The following DTNB variants were observed in gnomAD, a reference collection of about 807,000 sequenced individuals.
DTNB encodes dystrobrevin beta.
A neutral mutation model predicts 90.7 loss-of-function variants in DTNB; 63 were observed. That is an observed-to-expected ratio of 0.69 (90% CI 0.57 to 0.86). DTNB has a LOEUF of 0.86. Among genes scored for constraint, DTNB ranks in the 40% least tolerant of loss-of-function variants. The pLI, the probability that DTNB is intolerant of heterozygous loss-of-function variation, is 0.00. For synonymous variants in DTNB, 277 were observed against 286.7 expected (o/e 0.97, Z 0.34); for missense variants, 744 against 807.1 (o/e 0.92, Z 0.95).
chr2:25,469,832 T>A (rs770757585), intron 10 of DTNB, among the ~76,000 whole-genome samples: 1 of 152,102 alleles, frequency 6.6e-6, no homozygotes, highest in Non-Finnish European at 1.5e-5. Context: ...AGACAGTGCT[T>A]TGGAGAAATG....
chr2:25,454,135 G>A (rs2059664839), intron 11 of DTNB, among the ~76,000 whole-genome samples: 1 of 149,160 alleles, frequency 6.7e-6, no homozygotes, highest in Non-Finnish European at 1.5e-5. Context: ...GGACGACACA[G>A]TGAGACTCTG....
At chr2:25,434,058 G>T in intron 12 of DTNB, 63 bp from the exon 13 acceptor site, 1 of 1,438,422 alleles carries the variant, frequency 7.0e-7, no homozygotes. Context: ...CAGAGTTCTA[G>T]ATTGACTGAT....
At chr2:25,665,891 T>C (rs1461382948) in intron 1 of DTNB, among the ~76,000 whole-genome samples, 1 of 152,078 alleles carries the variant, frequency 6.6e-6, no homozygotes, top group Non-Finnish European at 1.5e-5. Flanking sequence ...GTAACTGCAC[T>C]CCACTACAAC....
At chr2:25,455,545 G>T in intron 10 of DTNB, 51 bp from the exon 11 acceptor site, 1 of 1,457,214 alleles carries the variant, frequency 6.9e-7, no homozygotes, top group South Asian at 1.2e-5. Flanking sequence ...CACATACAGA[G>T]GGAGAAATGA....
intron 10 of DTNB, among the ~76,000 whole-genome samples, chr2:25,472,671 G>A (rs1173081976): frequency 2.0e-5 from 3 of 152,094 alleles, no homozygotes; most frequent in Non-Finnish European, 4.4e-5. Flanking sequence ...ATCACCTGAG[G>A]TCAGGAGTTC....
intron 8 of DTNB, among the ~76,000 whole-genome samples, chr2:25,545,533 G>C (rs2082221087): frequency 6.6e-6 from 1 of 152,164 alleles, no homozygotes; most frequent in Non-Finnish European, 1.5e-5. Flanking sequence ...AGAACTTTAA[G>C]GGATGATGAA....
intron 4 of DTNB, among the ~76,000 whole-genome samples, chr2:25,617,435 G>A (rs1384993180): frequency 1.3e-5 from 2 of 152,078 alleles, no homozygotes; most frequent in Non-Finnish European, 2.9e-5. Flanking sequence ...GGCTCGAGGT[G>A]TTAATTATTA....
At chr2:25,383,337 T>C (rs1405929445) in intron 19 of DTNB, among the ~76,000 whole-genome samples, 1 of 151,204 alleles carries the variant, frequency 6.6e-6, no homozygotes, top group East Asian at 2.0e-4. Flanking sequence ...TGCCTCATTC[T>C]CCCCAAGTAG....
At chr2:25,518,485 CCT>C (rs1320115215) in intron 9 of DTNB, among the ~76,000 whole-genome samples, 1 of 151,998 alleles carries the variant, frequency 6.6e-6, no homozygotes, top group African/African-American at 2.4e-5. Flanking sequence ...CATAAGCATC[CCT>C]CTGTCTCTCA....
intron 9 of DTNB, among the ~76,000 whole-genome samples, chr2:25,530,126 C>T (rs534089904): frequency 2.0e-5 from 3 of 152,230 alleles, no homozygotes; most frequent in Admixed American, 6.5e-5. Context: ...CATTACACCA[C>T]AAAAGTAAGT....
rs116526165 is a variant in DTNB at position 25,512,786 on chromosome 2, G to A, written c.1001+18687C>T. 8.3e-3 allele frequency among the ~76,000 whole-genome samples: 1,265 copies of A among 152,304 alleles called. 14 individuals are homozygous for A. Among genetic ancestry groups the A allele is most frequent in the African/African-American group, 0.029 (1,206 of 41,552 alleles). On this transcript the variant is annotated intron_variant, in intron 9 of 20. Transcript: ENST00000406818. ...GCAGGTAGCCGGGCTGGGACATCAT[G>A]AGCTAGCTTGGTGGAAAGGGCAATA...
At chr2:25,554,490 G>C (rs979232229) in intron 8 of DTNB, among the ~76,000 whole-genome samples, 3 of 151,724 alleles carry the variant, frequency 2.0e-5, no homozygotes, top group African/African-American at 7.3e-5. Flanking sequence ...AAATAGTAAA[G>C]CCAGCTTGGA....
At chr2:25,547,568 C>T (rs1194001497) in intron 8 of DTNB, among the ~76,000 whole-genome samples, 1 of 152,138 alleles carries the variant, frequency 6.6e-6, no homozygotes, top group Non-Finnish European at 1.5e-5. Flanking sequence ...AGCTGATCCA[C>T]CCGCCTTGGC....
intron 11 of DTNB, among the ~76,000 whole-genome samples, chr2:25,454,018 T>C (rs1169045949): frequency 6.6e-6 from 1 of 152,000 alleles, no homozygotes; most frequent in Admixed American, 6.5e-5. Context: ...GGTGTGGTGA[T>C]GAGCGCCTGT....
At chr2:25,615,686 A>T (rs1042010138) in intron 4 of DTNB, among the ~76,000 whole-genome samples, 9 of 152,200 alleles carry the variant, frequency 5.9e-5, no homozygotes, top group Admixed American at 3.3e-4. Context: ...TCACTCAGGA[A>T]ATTACAAGGG....
intron 8 of DTNB, among the ~76,000 whole-genome samples, chr2:25,534,738 C>T (rs535378474): frequency 2.1e-4 from 28 of 135,698 alleles, no homozygotes; most frequent in Non-Finnish European, 3.1e-4. Context: ...ACATTCCAGA[C>T]GATGGGCGGC....
chr2:25,647,379 G>T (rs143272564), intron 2 of DTNB, among the ~76,000 whole-genome samples: 281 of 152,226 alleles, frequency 1.8e-3, no homozygotes, highest in African/African-American at 6.7e-3. Flanking sequence ...GGACAAAAAA[G>T]ATTTTAATGA....
intron 8 of DTNB, among the ~76,000 whole-genome samples, chr2:25,549,753 T>C (rs2083196378): frequency 6.6e-6 from 1 of 152,106 alleles, no homozygotes; most frequent in African/African-American, 2.4e-5. Flanking sequence ...CTTGACCTCC[T>C]GAGCTCAAGC....
chr2:25,577,000 G>C lies in DTNB; in HGVS notation c.714C>G (p.Phe238Leu). 1 of 1,605,136 alleles carries C rather than the reference G, an allele frequency of 6.2e-7. No homozygotes were observed. Among genetic ancestry groups the C allele is most frequent in the African/African-American group, 1.3e-5 (1 of 74,844 alleles). Residue 238 changes from phenylalanine to leucine, a missense_variant, in exon 8 of 21, where the codon TTC becomes TTG. By Grantham distance (22) the Phe-to-Leu change is conservative (BLOSUM62 0). Transcript: ENST00000406818. ...MHRLAHVENV[F>L]HPVECSYCRC... is the part of the protein sequence containing the mutation. ...GGCAGTAGGAGCACTCCACGGGATG[G>C]AAGACTTGTGGACAGGAGAGAAAAG... is the stretch of plus-strand genomic sequence containing the variant.
Sources: gnomAD v4.1 joint callset for allele counts (sites outside exome capture counted in the v4.1 genomes callset) on GRCh38, gnomAD v4.1.1 for gene constraint, MANE v1.5 for transcripts, NCBI Gene and HGNC (gene_info 2026-07-23, HGNC 2026-07-21) for gene names.